Variants in CYP2C19 observed in about 807,000 individuals in gnomAD.
CYP2C19 encodes cytochrome P450 2C19.
In CYP2C19, 59 loss-of-function variants were observed where a neutral mutation model predicts 40.9. That is an observed-to-expected ratio of 1.44 (90% CI 1.17 to 1.79). The LOEUF (loss-of-function observed/expected upper bound fraction) is 1.79, where lower values mean the gene tolerates loss of function less well. Ranked by LOEUF, CYP2C19 falls within the 40% of genes most tolerant of loss-of-function variation. The pLI, the probability that CYP2C19 is intolerant of heterozygous loss-of-function variation, is 0.00. For missense variants in CYP2C19, 754 were observed against 596.9 expected (o/e 1.26, Z -2.74); for synonymous variants, 253 against 208.7 (o/e 1.21, Z -1.83).
intron 1 of CYP2C19, among the ~76,000 whole-genome samples, chr10:94,770,922 T>C (rs1338395454): frequency 6.6e-6 from 1 of 152,160 alleles, no homozygotes; most frequent in African/African-American, 2.4e-5. Context: ...CAGCTGTCAT[T>C]CTATCATTTA....
At chr10:94,842,561 C>T (rs1267117771) in intron 6 of CYP2C19, among the ~76,000 whole-genome samples, 1 of 151,890 alleles carries the variant, frequency 6.6e-6, no homozygotes, top group East Asian at 1.9e-4. Context: ...TTGTGGGCTT[C>T]TCTTCCTTCT....
chr10:94,812,776 G>T (rs892645607), intron 5 of CYP2C19, among the ~76,000 whole-genome samples: 3 of 151,380 alleles, frequency 2.0e-5, no homozygotes, highest in African/African-American at 7.3e-5. Context: ...ATTTTTTCAA[G>T]GTTCTTAGCT....
At chr10:94,812,474 A>T (rs1264490841) in intron 5 of CYP2C19, among the ~76,000 whole-genome samples, 1 of 152,090 alleles carries the variant, frequency 6.6e-6, no homozygotes, top group Non-Finnish European at 1.5e-5. Context: ...AATGTTTTAC[A>T]ACTTGGTTCC....
At position 94,785,193 on chromosome 10, in the gene CYP2C19, C is replaced by T. The variant is rs540832720; in HGVS notation, c.819+3196C>T. Among the ~76,000 whole-genome samples the T allele has an allele frequency of 2.0e-5, 3 of 151,984 alleles. No individual in the cohort carries two copies. The South Asian group carries it at 6.2e-4, about 32-fold the overall frequency. On this transcript the variant is annotated intron_variant, in intron 5 of 8. Transcript: ENST00000371321. ...ATGAAGTTTGGTTTATCTATTTTTT[C>T]TTTTGCTCCTCTGGTATCAAATTTA... is the stretch of plus-strand genomic sequence containing the variant.
Position 94,822,728 on chromosome 10 carries a change from G to A in CYP2C19, c.961+2091G>A, listed in dbSNP as rs551652649. ...TTTTCTTTTGTCTGCAACCTCACCAGCATCTCTTGTTTTTGGACTTTTTAA... is the reference window on the plus strand; with the variant it reads ...TTTTCTTTTGTCTGCAACCTCACCAACATCTCTTGTTTTTGGACTTTTTAA... On this transcript the variant is annotated intron_variant, in intron 6 of 8. Coordinates refer to ENST00000371321, the MANE Select transcript of CYP2C19 (RefSeq NM_000769.4). 6.6e-5 allele frequency among the ~76,000 whole-genome samples: 10 copies of A among 152,250 alleles called. No homozygotes were observed. The East Asian group carries it at 9.6e-4, about 15-fold the overall frequency.
Position 94,824,665 on chromosome 10 carries a change from T to C in CYP2C19, c.961+4028T>C, listed in dbSNP as rs534088824. 9.2e-5 allele frequency among the ~76,000 whole-genome samples: 14 copies of C among 152,316 alleles called. No homozygotes were observed. In the East Asian group the frequency reaches 2.1e-3, roughly 23 times the overall value. ...TTTATGTTTTCAAACATTTCATTTT[T>C]TTAATTATACTTTAAGTTTTAGGGT... On this transcript the variant is annotated intron_variant, in intron 6 of 8. Coordinates refer to ENST00000371321, the MANE Select transcript of CYP2C19 (RefSeq NM_000769.4).
chr10:94,845,311 T>C (rs934169791), intron 7 of CYP2C19, among the ~76,000 whole-genome samples: 1 of 152,200 alleles, frequency 6.6e-6, no homozygotes, highest in Non-Finnish European at 1.5e-5. Context: ...ATGAATATCT[T>C]CCAATTTTTA....
chr10:94,844,542 A>G (rs1046617629), intron 7 of CYP2C19, among the ~76,000 whole-genome samples: 1 of 152,166 alleles, frequency 6.6e-6, no homozygotes, highest in South Asian at 2.1e-4. Flanking sequence ...TCCAATTTAA[A>G]CCAAGACATA....
At chr10:94,775,303 G>T in intron 2 of CYP2C19, 83 bp downstream of exon 2, 1 of 1,612,482 alleles carries the variant, frequency 6.2e-7, no homozygotes, top group Non-Finnish European at 8.5e-7. Flanking sequence ...CTCGGGCAGA[G>T]CTTGGCCCAT....
At chr10:94,841,442 C>T (rs537185058) in intron 6 of CYP2C19, among the ~76,000 whole-genome samples, 2 of 152,158 alleles carry the variant, frequency 1.3e-5, no homozygotes, top group African/African-American at 2.4e-5. Context: ...CCAGCCATAA[C>T]AGACACAGAC....
chr10:94,843,954 T>C (rs1229572390), intron 7 of CYP2C19, among the ~76,000 whole-genome samples: 1 of 152,188 alleles, frequency 6.6e-6, no homozygotes, highest in Non-Finnish European at 1.5e-5. Context: ...CACATATATA[T>C]AGAAATAAAT....
Position 94,852,842 on chromosome 10 carries a change from T to C in CYP2C19, c.1401T>C (p.Leu467=), listed in dbSNP as rs1295791986. The change falls in exon 9 of 9, where the codon CTT becomes CTC. Residue 467 remains leucine (L), a synonymous_variant. Transcript: ENST00000371321. ...NLKSLIDPKD[L]DTTPVVNGFA... ...AATCTCTGATTGACCCAAAGGACCT[T>C]GACACAACTCCTGTTGTCAATGGAT... 5 of 1,614,096 alleles carry C rather than the reference T, an allele frequency of 3.1e-6. No individual in the cohort carries two copies. In the Admixed American group the frequency reaches 5.0e-5, roughly 16 times the overall value.
In CYP2C19 at chr10:94,828,623, C is replaced by T. The variant is rs1451600813; in HGVS notation, c.961+7986C>T. Among the ~76,000 whole-genome samples, 739 of 148,862 alleles carry T rather than the reference C, an allele frequency of 5.0e-3. 2 individuals are homozygous for T. The highest frequency in any genetic ancestry group is 8.3e-3 in the Non-Finnish European group (560 of 67,578). On this transcript the variant is annotated intron_variant, in intron 6 of 8. Transcript: ENST00000371321. ...GGGTCTTGACTCTTTATCCAATTTGCAAGTCTGTGTCTTTTAATTGGAGCA... is the reference window on the plus strand; with the variant it reads ...GGGTCTTGACTCTTTATCCAATTTGTAAGTCTGTGTCTTTTAATTGGAGCA...
rs1848190745 is a variant in CYP2C19, at chr10:94,762,828, T to C, written c.123T>C (p.Asn41=). ...PGPTPLPVIG[N]ILQIDIKDVS... ...CCACTCCTCTCCCAGTGATTGGAAA[T>C]ATCCTACAGATAGATATTAAGGATG... The change falls in exon 1 of 9, where the codon AAT becomes AAC. Residue 41 remains asparagine (N), a synonymous_variant. Transcript: ENST00000371321. The C allele has an allele frequency of 6.2e-7, 1 of 1,613,822 alleles. No individual in the cohort carries two copies. The highest frequency in any genetic ancestry group is 8.5e-7 in the Non-Finnish European group (1 of 1,179,884).
Position 94,855,029 on chromosome 10 carries a change from ACTGTAGTGGATAAT to A in CYP2C19, c.*2120_*2133del, listed in dbSNP as rs1849711246. On this transcript the variant is annotated 3_prime_UTR_variant, in exon 9 of 9. Coordinates refer to ENST00000371321, the MANE Select transcript of CYP2C19 (RefSeq NM_000769.4). ...TTGTCTAGTCTGTTTCCTCCTGGAG[ACTGTAGTGGATAAT>A]CTGTTTTCCTGCCTATTTCAGCTCC... Among the ~76,000 whole-genome samples the A allele has an allele frequency of 6.6e-6, 1 of 152,150 alleles. No individual in the cohort carries two copies. The highest frequency in any genetic ancestry group is 6.5e-5 in the Admixed American group (1 of 15,270).
chr10:94,829,674 C>G (rs545924473), intron 6 of CYP2C19, among the ~76,000 whole-genome samples: 2 of 152,100 alleles, frequency 1.3e-5, no homozygotes, highest in Non-Finnish European at 2.9e-5. Context: ...CATTCTCCAT[C>G]CAGCTTTGTT....
intron 5 of CYP2C19, among the ~76,000 whole-genome samples, chr10:94,796,663 T>G (rs1254516143): frequency 3.3e-5 from 5 of 152,154 alleles, no homozygotes; most frequent in Admixed American, 3.3e-4. Context: ...TGTCCTGTTT[T>G]ATTTCATTGA....
rs1467088876 is a variant in CYP2C19, at chr10:94,782,005, G to A, written c.819+8G>A. The A allele has an allele frequency of 1.3e-6, 2 of 1,533,938 alleles. No homozygotes were observed. Among genetic ancestry groups the A allele is most frequent in the Non-Finnish European group, 8.7e-7 (1 of 1,148,940 alleles). On this transcript the variant is annotated splice_region_variant and intron_variant, in intron 5 of 8. Coordinates refer to ENST00000371321, the MANE Select transcript of CYP2C19 (RefSeq NM_000769.4). ...CTGATCAAAATGGAGAAGGTAAAAT[G>A]TTAACAAAAGCTTAGTTATGTGACT...
intron 1 of CYP2C19, among the ~76,000 whole-genome samples, chr10:94,768,687 C>T (rs1848283036): frequency 6.6e-6 from 1 of 152,204 alleles, no homozygotes; most frequent in Non-Finnish European, 1.5e-5. Flanking sequence ...CACAACTACC[C>T]ATAAACAGTG....
Sources: gnomAD v4.1 joint callset for allele counts (sites outside exome capture counted in the v4.1 genomes callset) on GRCh38, gnomAD v4.1.1 for gene constraint, MANE v1.5 for transcripts, NCBI Gene and HGNC (gene_info 2026-07-23, HGNC 2026-07-21) for gene names.